AGMO: variants seen among roughly 807,000 people sequenced by gnomAD.
AGMO encodes the protein alkylglycerol monooxygenase.
In AGMO, 75 loss-of-function variants were observed where a neutral mutation model predicts 60.2. That is an observed-to-expected ratio of 1.25 (90% CI 1.03 to 1.51). AGMO has a LOEUF of 1.51. Among genes scored for constraint, AGMO ranks in the 40% most tolerant of loss-of-function variants. AGMO has a pLI of 0.00. For missense variants in AGMO, 763 were observed against 525.5 expected (o/e 1.45, Z -4.42); for synonymous variants, 261 against 177.1 (o/e 1.47, Z -3.76).
intron 12 of AGMO, among the ~76,000 whole-genome samples, chr7:15,255,187 A>G (rs1783059560): frequency 6.6e-6 from 1 of 152,098 alleles, no homozygotes; most frequent in Non-Finnish European, 1.5e-5. Flanking sequence ...GGAGGGGAAC[A>G]TCACACATTG....
At chr7:15,189,513 G>C in the AGMO span, among the ~76,000 whole-genome samples, 1 of 152,188 alleles carries the variant, frequency 6.6e-6, no homozygotes, top group Admixed American at 6.5e-5. Context: ...AGGTCCTCCA[G>C]CTTTGGAGCC....
At chr7:15,470,749 T>A (rs1782432578) in intron 3 of AGMO, among the ~76,000 whole-genome samples, 1 of 151,948 alleles carries the variant, frequency 6.6e-6, no homozygotes, top group Non-Finnish European at 1.5e-5. Context: ...TTTGAAAGAG[T>A]TTGAAAGAAC....
chr7:15,147,983 A>G, the AGMO span, among the ~76,000 whole-genome samples: 16 of 152,310 alleles, frequency 1.1e-4, no homozygotes, highest in Admixed American at 9.2e-4. Context: ...ATATTTTCCA[A>G]TCACTTAAGA....
At chr7:15,140,108 A>C in the AGMO span, among the ~76,000 whole-genome samples, 1 of 151,514 alleles carries the variant, frequency 6.6e-6, no homozygotes, top group African/African-American at 2.4e-5. Flanking sequence ...TAATATCAAA[A>C]GTAAAAAATA....
intron 12 of AGMO, among the ~76,000 whole-genome samples, chr7:15,360,710 A>G (rs891893791): frequency 2.5e-4 from 35 of 140,530 alleles, no homozygotes; most frequent in Non-Finnish European, 3.0e-4. Flanking sequence ...ATATTTATTG[A>G]AAAAAAAATC....
chr7:15,187,706 C>G, the AGMO span, among the ~76,000 whole-genome samples: 11 of 152,088 alleles, frequency 7.2e-5, 1 homozygote, highest in Non-Finnish European at 1.2e-4. Flanking sequence ...CTTGGTTTTT[C>G]TTTACTCTGT....
At chr7:15,493,726 C>G (rs949387784) in intron 3 of AGMO, among the ~76,000 whole-genome samples, 1 of 152,122 alleles carries the variant, frequency 6.6e-6, no homozygotes, top group African/African-American at 2.4e-5. Context: ...CCTCATGCCC[C>G]TTTACCCCTG....
intron 1 of AGMO, 36 bp from the exon 2 acceptor site, chr7:15,560,307 G>A (rs1420188364): frequency 1.3e-6 from 2 of 1,585,832 alleles, no homozygotes; most frequent in Non-Finnish European, 1.7e-6. Flanking sequence ...ATGCTATTAT[G>A]TTCCATATGA....
At chr7:15,140,008 C>A in the AGMO span, among the ~76,000 whole-genome samples, 1 of 150,136 alleles carries the variant, frequency 6.7e-6, no homozygotes, top group Non-Finnish European at 1.5e-5. Context: ...AGAAGTAAAA[C>A]TGGACAAAAA....
chr7:15,348,074 TATC>T (rs1472684630), intron 12 of AGMO, among the ~76,000 whole-genome samples: 1 of 152,090 alleles, frequency 6.6e-6, no homozygotes, highest in African/African-American at 2.4e-5. Flanking sequence ...CTTGGATGTT[TATC>T]ATGTTATTGC....
At chr7:15,223,429 A>G (rs1372279413) in intron 12 of AGMO, among the ~76,000 whole-genome samples, 1 of 151,988 alleles carries the variant, frequency 6.6e-6, no homozygotes, top group African/African-American at 2.4e-5. Flanking sequence ...AGTGATTTTC[A>G]TATAGATATA....
At chr7:15,367,466 A>G (rs1254352797) in intron 10 of AGMO, among the ~76,000 whole-genome samples, 3 of 152,064 alleles carry the variant, frequency 2.0e-5, no homozygotes, top group Non-Finnish European at 2.9e-5. Context: ...ATTTTTAAAA[A>G]AACGCAAACA....
chr7:15,268,771 AATGT>A (rs1379919340), intron 12 of AGMO, among the ~76,000 whole-genome samples: 1 of 151,962 alleles, frequency 6.6e-6, no homozygotes, highest in Admixed American at 6.6e-5. Flanking sequence ...GGATGGGGAT[AATGT>A]AGGCATTTGG....
chr7:15,361,676 A>G (rs1294607849), intron 12 of AGMO, among the ~76,000 whole-genome samples: 1 of 152,040 alleles, frequency 6.6e-6, no homozygotes, highest in Non-Finnish European at 1.5e-5. Context: ...CATCAACATA[A>G]CCACTAATGA....
chr7:15,481,789 A>ATTTTTTTTTT (rs5882513), intron 3 of AGMO, among the ~76,000 whole-genome samples: 1 of 98,706 alleles, frequency 1.0e-5, no homozygotes, highest in Non-Finnish European at 2.1e-5. Flanking sequence ...GACTAAATGT[A>ATTTTTTTTTT]TTTTTTTTTT....
the AGMO span, among the ~76,000 whole-genome samples, chr7:15,173,865 AT>A: frequency 6.6e-6 from 1 of 150,900 alleles, no homozygotes; most frequent in Non-Finnish European, 1.5e-5. Context: ...GTGGGATCTA[AT>A]TTTTAGGAAA....
intron 10 of AGMO, among the ~76,000 whole-genome samples, chr7:15,368,228 T>C (rs1231608098): frequency 6.6e-6 from 1 of 151,352 alleles, no homozygotes; most frequent in Non-Finnish European, 1.5e-5. Context: ...GAGAGTGCTA[T>C]TAATATTTTG....
At chr7:15,396,623 C>T (rs1583507016) in intron 5 of AGMO, 1 of 151,924 alleles carries the variant, frequency 6.6e-6, no homozygotes, top group African/African-American at 2.4e-5. Flanking sequence ...CGGCCCCGCC[C>T]CCTCCCCCAC....
chr7:15,357,370 A>G (rs1409069431), intron 12 of AGMO, among the ~76,000 whole-genome samples: 1 of 152,158 alleles, frequency 6.6e-6, no homozygotes, highest in Non-Finnish European at 1.5e-5. Context: ...TCAGACAAAC[A>G]TTCTGTGATG....
Sources: gnomAD v4.1 joint callset for allele counts (sites outside exome capture counted in the v4.1 genomes callset) on GRCh38, gnomAD v4.1.1 for gene constraint, MANE v1.5 for transcripts, NCBI Gene and HGNC (gene_info 2026-07-23, HGNC 2026-07-21) for gene names.